USP47: variants seen among roughly 807,000 people sequenced by gnomAD.
USP47 encodes ubiquitin specific peptidase 47, also known as ubiquitin carboxyl-terminal hydrolase 47.
A neutral mutation model predicts 165.1 loss-of-function variants in USP47; 35 were observed. The ratio of observed to expected loss-of-function variants is 0.21; its 90% CI spans 0.16 to 0.28. The LOEUF is 0.28. Ranked by LOEUF, USP47 falls within the 10% of genes least tolerant of loss-of-function variation. The probability of loss-of-function intolerance (pLI) is 1.00; values close to 1 mark genes in which losing one functional copy is unlikely to be tolerated. For synonymous variants in USP47, 531 were observed against 544.5 expected (o/e 0.98, Z 0.35); for missense variants, 1,277 against 1,607.4 (o/e 0.79, Z 3.52).
intron 8 of USP47, among the ~76,000 whole-genome samples, chr11:11,912,810 A>G (rs1044079332): frequency 3.3e-5 from 5 of 152,156 alleles, no homozygotes; most frequent in African/African-American, 1.2e-4. Flanking sequence ...AAAGAATTAT[A>G]TATTGTGACT....
At chr11:11,889,018 C>G (rs1438751823) in intron 3 of USP47, among the ~76,000 whole-genome samples, 1 of 152,096 alleles carries the variant, frequency 6.6e-6, no homozygotes. Context: ...ATGTTAAAAA[C>G]TCTGAATAAA....
intron 1 of USP47, among the ~76,000 whole-genome samples, chr11:11,875,411 G>A (rs2134271582): frequency 6.6e-6 from 1 of 152,140 alleles, no homozygotes; most frequent in Admixed American, 6.5e-5. Flanking sequence ...AAACTATTGG[G>A]AATGTCAAGA....
chr11:11,942,913 A>G lies in USP47; in HGVS notation c.2892A>G (p.Gly964=), dbSNP rs773424155. The change falls in exon 20 of 28, where the codon GGA becomes GGG. Residue 964 remains glycine, a synonymous_variant. Coordinates refer to ENST00000527733, the MANE Select transcript of USP47 (RefSeq NM_001282659.2). ...ATGCTCAGATCCCTTTGGCTAATGG[A>G]CTTGACTCTCACAGTATCACAAGTA... is the stretch of plus-strand genomic sequence containing the variant. The part of the protein sequence containing the change: ...ADNAQIPLAN[G]LDSHSITSSR... The G allele has an allele frequency of 3.1e-6, 5 of 1,613,514 alleles. No individual in the cohort carries two copies. The African/African-American group carries it at 5.3e-5, about 17-fold the overall frequency.
At chr11:11,871,310 T>C (rs1850026922) in intron 1 of USP47, among the ~76,000 whole-genome samples, 1 of 151,778 alleles carries the variant, frequency 6.6e-6, no homozygotes, top group South Asian at 2.1e-4. Context: ...GAGACCATCC[T>C]GGCCAACATG....
intron 5 of USP47, among the ~76,000 whole-genome samples, chr11:11,901,733 T>A (rs908345869): frequency 3.3e-5 from 5 of 151,898 alleles, no homozygotes; most frequent in Admixed American, 1.3e-4. Flanking sequence ...CAGAGGTGGG[T>A]GGATCACTTG....
chr11:11,877,805 CTGTGTGTG>C (rs10577564), intron 1 of USP47, among the ~76,000 whole-genome samples: 4,729 of 70,836 alleles, frequency 0.067, 124 homozygotes, highest in Admixed American at 0.1. Context: ...CTCTCTCTCT[CTGTGTGTG>C]TGTGTGTGTG....
intron 1 of USP47, among the ~76,000 whole-genome samples, chr11:11,858,978 TATGAGA>T (rs1429463005): frequency 3.3e-5 from 5 of 152,212 alleles, no homozygotes; most frequent in Admixed American, 6.5e-5. Flanking sequence ...GACAGCAATG[TATGAGA>T]ATTCTGGTTG....
chr11:11,907,808 G>A (rs1052087427), intron 8 of USP47, among the ~76,000 whole-genome samples: 1 of 151,976 alleles, frequency 6.6e-6, no homozygotes, highest in African/African-American at 2.4e-5. Context: ...ATTAGATATA[G>A]ACGTAGGCTG....
intron 1 of USP47, among the ~76,000 whole-genome samples, chr11:11,875,371 A>G (rs2134271381): frequency 6.6e-6 from 1 of 152,234 alleles, no homozygotes; most frequent in African/African-American, 2.4e-5. Flanking sequence ...AAAAATTATG[A>G]TGTTATCAGA....
chr11:11,905,002 C>T (rs909884974), intron 7 of USP47, among the ~76,000 whole-genome samples: 1 of 151,856 alleles, frequency 6.6e-6, no homozygotes, highest in African/African-American at 2.4e-5. Flanking sequence ...TAATTATTAA[C>T]ATGCTTAAAG....
intron 16 of USP47, among the ~76,000 whole-genome samples, 164 bp downstream of exon 16, chr11:11,934,099 T>C (rs995039531): frequency 6.6e-6 from 1 of 152,152 alleles, no homozygotes; most frequent in Non-Finnish European, 1.5e-5. Flanking sequence ...CTTTGGAGCA[T>C]AGTCAGTTGA....
At chr11:11,897,772 C>A in intron 5 of USP47, 79 bp downstream of exon 5, 2 of 1,044,930 alleles carry the variant, frequency 1.9e-6, no homozygotes, top group Non-Finnish European at 1.4e-6. Context: ...TATCTTCTTG[C>A]AGTTATTTTA....
At chr11:11,939,456 GTTA>G (rs1463336844) in intron 18 of USP47, among the ~76,000 whole-genome samples, 3 of 151,920 alleles carry the variant, frequency 2.0e-5, no homozygotes, top group East Asian at 1.9e-4. Flanking sequence ...AGAGTTGGTG[GTTA>G]TTATGTTCTA....
Position 11,930,046 on chromosome 11 carries a change from A to G in USP47, c.1521A>G (p.Ile507Met). Residue 507 changes from isoleucine (I) to methionine (M), a missense_variant and splice_region_variant, in exon 13 of 28, where the codon ATA (isoleucine) becomes ATG (methionine). Ile to Met is a conservative substitution (Grantham distance 10, BLOSUM62 1). This residue lies in a region of USP47 where 909 missense variants were observed against 1,068.1 expected (regional missense o/e 0.85). Transcript: ENST00000527733. ...AAAATCATGTAACACATTTTCAGAT[A>G]ACACAAGAGGACATTAAGAAAACAC... Reference protein sequence around the residue: ...YSFNDQHVSRITQEDIKKTHG... With the variant: ...YSFNDQHVSRMTQEDIKKTHG... 6.2e-7 allele frequency: 1 copy of G among 1,613,024 alleles called. No individual in the cohort carries two copies. The highest frequency in any genetic ancestry group is 8.5e-7 in the Non-Finnish European group (1 of 1,179,202).
At chr11:11,842,914 G>GT (rs1848221063) in intron 1 of USP47, among the ~76,000 whole-genome samples, 1 of 148,414 alleles carries the variant, frequency 6.7e-6, no homozygotes, top group African/African-American at 2.5e-5. Flanking sequence ...TTAAAAGCAA[G>GT]TGATACGAGA....
chr11:11,888,773 C>T (rs1343958048), intron 3 of USP47, among the ~76,000 whole-genome samples: 1 of 152,184 alleles, frequency 6.6e-6, no homozygotes, highest in East Asian at 1.9e-4. Context: ...AGGCCAGTAT[C>T]CCTGATGAAC....
At chr11:11,869,590 C>T (rs1211841053) in intron 1 of USP47, among the ~76,000 whole-genome samples, 9 of 152,060 alleles carry the variant, frequency 5.9e-5, no homozygotes, top group Non-Finnish European at 1.2e-4. Context: ...ATTCCTTTGC[C>T]TTTCCCTATA....
At position 11,936,408 on chromosome 11, in the gene USP47, C is replaced by A; in HGVS notation, c.1975C>A (p.Pro659Thr). 1 of 1,610,340 alleles carries A rather than the reference C, an allele frequency of 6.2e-7. No homozygotes were observed. Among genetic ancestry groups the A allele is most frequent in the African/African-American group, 1.3e-5 (1 of 74,774 alleles). Residue 659 changes from proline (P) to threonine (T), a missense_variant, in exon 17 of 28, where the codon CCA becomes ACA. By Grantham distance (38) the Pro-to-Thr change is conservative. Coordinates refer to ENST00000527733, the MANE Select transcript of USP47 (RefSeq NM_001282659.2). ...GTCATATGAAGGAGAAGAAGATACA[C>A]CAATGGGGCTTCTACTAGGTGGCGT... ...ERSYEGEEDT[P>T]MGLLLGGVKS... is the part of the protein sequence containing the mutation.
intron 8 of USP47, among the ~76,000 whole-genome samples, chr11:11,913,258 CAAAAAA>C (rs796881838): frequency 2.5e-5 from 2 of 79,298 alleles, no homozygotes; most frequent in African/African-American, 5.1e-5. Flanking sequence ...ATCCCTTGTA[CAAAAAA>C]AAAAAAAAAA....
Sources: gnomAD v4.1 joint callset for allele counts (sites outside exome capture counted in the v4.1 genomes callset) on GRCh38, gnomAD v4.1.1 for gene constraint, gnomAD v4.1.1 regional missense constraint, MANE v1.5 for transcripts, NCBI Gene and HGNC (gene_info 2026-07-23, HGNC 2026-07-21) for gene names.